The following MYH11 variants were observed in gnomAD, a reference collection of about 807,000 sequenced individuals.
MYH11 encodes the protein myosin-11.
Under a neutral mutation model 246.6 loss-of-function variants are expected in MYH11, and 80 were observed. The observed-to-expected ratio is 0.32, with a 90% CI of 0.27 to 0.39. The LOEUF (loss-of-function observed/expected upper bound fraction) is 0.39, where lower values mean the gene tolerates loss of function less well. MYH11 is among the 10% of genes least tolerant of loss of function. MYH11 has a pLI of 1.00. For missense variants in MYH11, 2,158 were observed against 2,546.8 expected (o/e 0.85, Z 3.29); for synonymous variants, 1,071 against 1,015.5 (o/e 1.05, Z -1.04).
chr16:15,717,186 C>G lies in MYH11; in HGVS notation c.5458G>C (p.Glu1820Gln). 1 of 1,614,214 alleles carries G rather than the reference C, an allele frequency of 6.2e-7. No homozygotes were observed. Among genetic ancestry groups the G allele is most frequent in the Non-Finnish European group, 8.5e-7 (1 of 1,180,034 alleles). ...TCCTCCAGCTGTGCAATCTTGGCCT[C>G]CAGCGCCGCGATGGTGGACTTGAAC... ...SKFKSTIAALEAKIAQLEEQV... is the reference protein window; with the variant it reads ...SKFKSTIAALQAKIAQLEEQV... The change falls in exon 38 of 41, where the codon GAG becomes CAG. Residue 1820 changes from glutamate (E) to glutamine (Q), a missense_variant. Glu to Gln is a conservative substitution (Grantham distance 29). Around this residue, in one of 11 missense-constraint regions of MYH11, gnomAD observed 1,013 missense variants for 993.5 expected, o/e 1.02. Coordinates refer to ENST00000300036, the MANE Select transcript of MYH11 (RefSeq NM_002474.3).
chr16:15,738,419 A>C, intron 24 of MYH11, 146 bp downstream of exon 24: 1 of 700,060 alleles, frequency 1.4e-6, no homozygotes, highest in South Asian at 2.1e-5. Context: ...AGGCTGAGGC[A>C]GGAGGATCAC....
chr16:15,714,727 C>T (rs72772016), intron 40 of MYH11, 182 bp downstream of exon 40: 11 of 764,910 alleles, frequency 1.4e-5, no homozygotes, highest in African/African-American at 3.4e-5. Flanking sequence ...AGGCAGGGCC[C>T]GGGTCTGATC....
In MYH11 at chr16:15,741,838, C is replaced by T. The variant is rs150603682; in HGVS notation, c.2574G>A (p.Glu858=). The change falls in exon 21 of 41, where the codon GAG becomes GAA. Residue 858 remains glutamate, a synonymous_variant. Transcript: ENST00000300036. ...TRQEEEMQAK[E]DELQKTKERQ... ...GCTCCTTGGTCTTCTGCAGTTCATCCTCCTTGGCCTGCATCTCCTCCTCCT... is the reference window on the plus strand; with the variant it reads ...GCTCCTTGGTCTTCTGCAGTTCATCTTCCTTGGCCTGCATCTCCTCCTCCT... 5.6e-6 allele frequency: 9 copies of T among 1,614,234 alleles called. No individual in the cohort carries two copies. The highest frequency in any genetic ancestry group is 5.9e-6 in the Non-Finnish European group (7 of 1,180,050).
chr16:15,715,617 G>A (rs749485807), intron 38 of MYH11, among the ~76,000 whole-genome samples: 7 of 152,148 alleles, frequency 4.6e-5, no homozygotes, highest in Non-Finnish European at 8.8e-5. Flanking sequence ...TACAGGGCAT[G>A]GGGTTTCTAT....
intron 1 of MYH11, among the ~76,000 whole-genome samples, chr16:15,842,010 T>C (rs1006003534): frequency 5.9e-5 from 9 of 152,228 alleles, no homozygotes; most frequent in African/African-American, 9.6e-5. Context: ...ATGCAGATTT[T>C]GCAAGACAGA....
At chr16:15,771,496 C>T (rs2042099917) in intron 9 of MYH11, 73 bp downstream of exon 9, 1 of 1,533,322 alleles carries the variant, frequency 6.5e-7, no homozygotes, top group African/African-American at 1.4e-5. Flanking sequence ...CTGTCCTGAC[C>T]AGAGAAGAGT....
chr16:15,796,641 C>T (rs2042748318), intron 4 of MYH11, among the ~76,000 whole-genome samples: 1 of 152,150 alleles, frequency 6.6e-6, no homozygotes, highest in Non-Finnish European at 1.5e-5. Context: ...CATGGCCTAT[C>T]CTCAGAATCT....
At chr16:15,714,833 G>A in intron 40 of MYH11, 76 bp downstream of exon 40, 1 of 1,572,276 alleles carries the variant, frequency 6.4e-7, no homozygotes, top group Admixed American at 1.7e-5. Flanking sequence ...GCATTTGCAG[G>A]CCGAAAGGAG....
At chr16:15,844,799 A>C (rs890614950) in intron 1 of MYH11, among the ~76,000 whole-genome samples, 2 of 152,188 alleles carry the variant, frequency 1.3e-5, no homozygotes, top group African/African-American at 4.8e-5. Context: ...GCAGTGAGCT[A>C]TGATTACATC....
At chr16:15,717,100 C>T (rs541160168) in intron 38 of MYH11, 40 bp downstream of exon 38, 5 of 1,599,228 alleles carry the variant, frequency 3.1e-6, no homozygotes, top group African/African-American at 1.3e-5. Context: ...CTGTCCATCA[C>T]CCCCCTGCAA....
In MYH11 at chr16:15,726,932, C is replaced by T; in HGVS notation, c.3774G>A (p.Glu1258=). The change falls in exon 28 of 41, where the codon GAG becomes GAA. Residue 1258 remains glutamate (E), a synonymous_variant. Transcript: ENST00000300036. ...QEVEHKKKKL[E]AQVQELQSKC... ...TGGACTGCAGCTCCTGCACCTGCGCCTCCAGCTTCTTCTTCTTATGTTCCA... is the reference window on the plus strand; with the variant it reads ...TGGACTGCAGCTCCTGCACCTGCGCTTCCAGCTTCTTCTTCTTATGTTCCA... 1.2e-6 allele frequency: 2 copies of T among 1,613,260 alleles called. No individual in the cohort carries two copies. The highest frequency in any genetic ancestry group is 1.7e-6 in the Non-Finnish European group (2 of 1,180,014).
intron 3 of MYH11, among the ~76,000 whole-genome samples, chr16:15,821,360 C>T (rs192133361): frequency 3.3e-5 from 5 of 152,272 alleles, no homozygotes; most frequent in Admixed American, 2.0e-4. Context: ...TGAAAGGTCA[C>T]GTAACAAAAT....
At chr16:15,830,392 T>C (rs556293482) in intron 2 of MYH11, among the ~76,000 whole-genome samples, 6 of 152,316 alleles carry the variant, frequency 3.9e-5, no homozygotes, top group East Asian at 3.9e-4. Context: ...TACCTGTCAA[T>C]AGCAGACAGG....
At position 15,759,732 on chromosome 16, in the gene MYH11, C is replaced by CAG. The variant is rs770987711; in HGVS notation, c.1249-6_1249-5dup. On this transcript the variant is annotated splice_polypyrimidine_tract_variant and splice_region_variant and intron_variant, in intron 11 of 40. Coordinates refer to ENST00000300036, the MANE Select transcript of MYH11 (RefSeq NM_002474.3). ...AAGCCTCTACAGCAAAGTCAGCCTG[C>CAG]AGAGGGCAACCAGGGGAACCCGGTT... is the stretch of plus-strand genomic sequence containing the variant. The CAG allele has an allele frequency of 6.2e-7, 1 of 1,614,016 alleles. No homozygotes were observed. Among genetic ancestry groups the CAG allele is most frequent in the Non-Finnish European group, 8.5e-7 (1 of 1,180,012 alleles).
chr16:15,798,417 G>A (rs1008998749), intron 4 of MYH11, among the ~76,000 whole-genome samples: 25 of 152,072 alleles, frequency 1.6e-4, no homozygotes, highest in Non-Finnish European at 7.4e-5. Flanking sequence ...GGAGAGGTAT[G>A]GAACCAAATG....
chr16:15,842,185 G>C, intron 1 of MYH11, among the ~76,000 whole-genome samples: 1 of 152,120 alleles, frequency 6.6e-6, no homozygotes, highest in East Asian at 1.9e-4. Flanking sequence ...TCAGGAGTTC[G>C]AGACCAGCCT....
intron 34 of MYH11, 23 bp from the exon 35 acceptor site, chr16:15,719,736 C>A (rs990542219): frequency 1.9e-6 from 3 of 1,613,842 alleles, no homozygotes; most frequent in Non-Finnish European, 2.5e-6. Context: ...ACAGGGAGGA[C>A]AAGCTCAGAT....
intron 28 of MYH11, chr16:15,725,957 T>C (rs1196574914): frequency 5.7e-6 from 2 of 350,490 alleles, no homozygotes; most frequent in Non-Finnish European, 1.0e-5. Flanking sequence ...CTGTACTATC[T>C]CCCCCTACCC....
chr16:15,722,801 C>T lies in MYH11; in HGVS notation c.4366-1167G>A, dbSNP rs111527974. ...CATCACTCAGGCTGGGGTGTAGTGG[C>T]GCAATCTTGGCTCACTGCAACCTCC... On this transcript the variant is annotated intron_variant, in intron 31 of 40. Transcript: ENST00000300036. Among the ~76,000 whole-genome samples the T allele has an allele frequency of 5.5e-3, 838 of 152,256 alleles. 7 individuals are homozygous for T. The highest frequency in any genetic ancestry group is 0.018 in the African/African-American group (760 of 41,540).
Sources: gnomAD v4.1 joint callset for allele counts (sites outside exome capture counted in the v4.1 genomes callset) on GRCh38, gnomAD v4.1.1 for gene constraint, gnomAD v4.1.1 regional missense constraint, MANE v1.5 for transcripts, NCBI Gene and HGNC (gene_info 2026-07-23, HGNC 2026-07-21) for gene names.